The following CEP89 variants were observed in gnomAD, a reference collection of about 807,000 sequenced individuals.
The protein encoded by CEP89 is centrosomal protein 89.
In CEP89, 95 loss-of-function variants were observed where a neutral mutation model predicts 97.6. The observed-to-expected ratio is 0.97, with a 90% CI of 0.82 to 1.15. The LOEUF (loss-of-function observed/expected upper bound fraction) is 1.15. Among genes scored for constraint, CEP89 ranks in the 50% most tolerant of loss-of-function variants. The probability of loss-of-function intolerance (pLI) is 0.00; values close to 1 mark genes in which losing one functional copy is unlikely to be tolerated. For missense variants in CEP89, 869 were observed against 947.7 expected, an observed-to-expected ratio of 0.92 and a Z score of 1.09; for synonymous variants, 354 against 349.1, an observed-to-expected ratio of 1.01 and a Z score of -0.16.
chr19:32,899,220 T>C (rs1969711903), intron 16 of CEP89, among the ~76,000 whole-genome samples: 1 of 150,318 alleles, frequency 6.7e-6, no homozygotes. Flanking sequence ...AGCCTTCAAC[T>C]CCCACACTCA....
chr19:32,953,452 C>T (rs1389109189), intron 4 of CEP89, among the ~76,000 whole-genome samples, 163 bp downstream of exon 4: 2 of 152,142 alleles, frequency 1.3e-5, no homozygotes, highest in South Asian at 4.2e-4. Context: ...ATGTTTTAAT[C>T]TAACCAGATA....
At chr19:32,885,658 A>G (rs144496219) in intron 17 of CEP89, among the ~76,000 whole-genome samples, 1 of 152,150 alleles carries the variant, frequency 6.6e-6, no homozygotes, top group African/African-American at 2.4e-5. Context: ...CTTGGTGTCA[A>G]TTTTCTGGGT....
chr19:32,938,706 T>C (rs111252287), intron 6 of CEP89, among the ~76,000 whole-genome samples: 3 of 152,154 alleles, frequency 2.0e-5, no homozygotes, highest in African/African-American at 7.2e-5. Context: ...CCCAGCACTT[T>C]AGGAGCCCGA....
chr19:32,930,584 A>G (rs1599751639), intron 9 of CEP89, among the ~76,000 whole-genome samples: 1 of 151,610 alleles, frequency 6.6e-6, no homozygotes, highest in South Asian at 2.1e-4. Context: ...CCCGCCTTCT[A>G]CCCCAGCAAG....
chr19:32,888,064 G>A (rs574296895), intron 16 of CEP89, among the ~76,000 whole-genome samples: 1 of 152,344 alleles, frequency 6.6e-6, no homozygotes, highest in South Asian at 2.1e-4. Context: ...GACACAAAGA[G>A]AAGAATTCCA....
intron 16 of CEP89, among the ~76,000 whole-genome samples, chr19:32,888,425 G>A (rs1969444688): frequency 6.6e-6 from 1 of 152,136 alleles, no homozygotes; most frequent in Non-Finnish European, 1.5e-5. Context: ...TCTTTCCAAG[G>A]TAGGCTAGTG....
intron 16 of CEP89, among the ~76,000 whole-genome samples, chr19:32,890,396 T>C (rs1424666768): frequency 6.7e-6 from 1 of 150,120 alleles, no homozygotes. Context: ...CGAGACTCCA[T>C]CTCAAAAACC....
At position 32,881,833 on chromosome 19, in the gene CEP89, G is replaced by A. The variant is rs747018693; in HGVS notation, c.2135+11C>T. 1.6e-5 allele frequency: 25 copies of A among 1,594,002 alleles called. No individual in the cohort carries two copies. The highest frequency in any genetic ancestry group is 2.0e-5 in the Non-Finnish European group (23 of 1,175,518). ...ATCTCTGCGGGCCATGGCGCAGGGC[G>A]CATGCCCCACCTGTTCTGCTGCAGC... On this transcript the variant is annotated intron_variant, in intron 18 of 18. Coordinates refer to ENST00000305768, the MANE Select transcript of CEP89 (RefSeq NM_032816.5).
chr19:32,945,114 G>GTC (rs1970768317), intron 5 of CEP89, among the ~76,000 whole-genome samples: 1 of 151,988 alleles, frequency 6.6e-6, no homozygotes, highest in Non-Finnish European at 1.5e-5. Flanking sequence ...GAGAAACCCT[G>GTC]TCTCTACTAA....
intron 5 of CEP89, among the ~76,000 whole-genome samples, chr19:32,944,220 T>TAAAAAAAAAACAAAAAAAAAA (rs1970747500): frequency 1.6e-5 from 1 of 62,420 alleles, no homozygotes; most frequent in Non-Finnish European, 3.0e-5. Flanking sequence ...TGAGACCCTG[T>TAAAAAAAAAACAAAAAAAAAA]AAAAAAAAAA....
At chr19:32,887,981 A>C in intron 16 of CEP89, 140 bp from the exon 17 acceptor site, 1 of 623,766 alleles carries the variant, frequency 1.6e-6, no homozygotes, top group Non-Finnish European at 2.8e-6. Context: ...TTCCCCACCC[A>C]CTGTGTGAGG....
At chr19:32,963,844 A>C (rs1971221145) in intron 2 of CEP89, 2 of 152,092 alleles carry the variant, frequency 1.3e-5, no homozygotes, top group African/African-American at 4.8e-5. Context: ...AAAAACCTAC[A>C]GTCAATGTGG....
chr19:32,967,290 G>A (rs1971303651), intron 1 of CEP89, among the ~76,000 whole-genome samples: 1 of 152,150 alleles, frequency 6.6e-6, no homozygotes, highest in South Asian at 2.1e-4. Flanking sequence ...TTAGGTAACT[G>A]TAACTGGGAG....
rs1473430934 is a variant in CEP89, at chr19:32,954,880, G to T, written c.306-1079C>A. On this transcript the variant is annotated intron_variant, in intron 3 of 18. Coordinates refer to ENST00000305768, the MANE Select transcript of CEP89 (RefSeq NM_032816.5). ...GGGTTTCACCATGTTGGCCAGGATG[G>T]TCTCAAACTCCTGACCTCAAATGAT... Among the ~76,000 whole-genome samples, 3 of 149,910 alleles carry T rather than the reference G, an allele frequency of 2.0e-5. No individual in the cohort carries two copies. The Admixed American group carries it at 2.0e-4, about 10-fold the overall frequency.
intron 13 of CEP89, among the ~76,000 whole-genome samples, chr19:32,917,979 AG>A (rs1816982445): frequency 6.6e-6 from 1 of 152,220 alleles, no homozygotes; most frequent in African/African-American, 2.4e-5. Context: ...TGCTGAGTCT[AG>A]CACTATTACC....
intron 4 of CEP89, among the ~76,000 whole-genome samples, chr19:32,951,511 TTATA>T (rs72440449): frequency 0.12 from 16,114 of 131,610 alleles, 1,254 homozygotes; most frequent in East Asian, 0.17. Context: ...CAACAAAAAA[TTATA>T]TATATATATA....
chr19:32,934,992 C>A (rs574611724), intron 7 of CEP89, among the ~76,000 whole-genome samples: 6 of 152,214 alleles, frequency 3.9e-5, no homozygotes, highest in Non-Finnish European at 7.3e-5. Flanking sequence ...AAAGAAGCAG[C>A]TTGAAGCAGC....
At chr19:32,931,614 C>G in intron 8 of CEP89, 43 bp from the exon 9 acceptor site, 1 of 1,442,370 alleles carries the variant, frequency 6.9e-7, no homozygotes, top group Non-Finnish European at 9.4e-7. Flanking sequence ...AAATAACATC[C>G]AATTTATCCA....
intron 2 of CEP89, among the ~76,000 whole-genome samples, chr19:32,962,063 A>AATCATGG (rs1971180584): frequency 6.6e-6 from 1 of 151,990 alleles, no homozygotes; most frequent in Non-Finnish European, 1.5e-5. Flanking sequence ...AAAAAAAAAA[A>AATCATGG]ATCATGGATC....
Sources: allele counts gnomAD v4.1 joint callset (sites outside exome capture counted in the v4.1 genomes callset), GRCh38; gene constraint gnomAD v4.1.1; transcripts MANE v1.5; gene names NCBI Gene and HGNC (gene_info 2026-07-23, HGNC 2026-07-21).